Variants in MACROD2 observed in about 807,000 individuals in gnomAD.
MACROD2 encodes the protein mono-ADP ribosylhydrolase 2, also known as ADP-ribose glycohydrolase MACROD2.
MACROD2 carries 36 observed loss-of-function variants against 70.4 expected under a neutral mutation model. That is an observed-to-expected ratio of 0.51 (90% CI 0.39 to 0.68). The LOEUF is 0.68. MACROD2 is among the 30% of genes least tolerant of loss of function. The pLI is 0.00. For synonymous variants in MACROD2, 172 were observed against 178.8 expected, an observed-to-expected ratio of 0.96 and a Z score of 0.30; for missense variants, 496 against 538.4, an observed-to-expected ratio of 0.92 and a Z score of 0.78.
intron 7 of MACROD2, among the ~76,000 whole-genome samples, chr20:15,461,962 T>C (rs11906804): frequency 0.03 from 4,607 of 152,282 alleles, 227 homozygotes; most frequent in African/African-American, 0.1. Context: ...TTCTTTACTA[T>C]TAGGTCAACT....
chr20:14,807,479 T>C (rs1224124854), intron 5 of MACROD2, among the ~76,000 whole-genome samples: 1 of 152,072 alleles, frequency 6.6e-6, no homozygotes, highest in Non-Finnish European at 1.5e-5. Context: ...CCCACGAAGA[T>C]GAGGAAAAAC....
intron 6 of MACROD2, among the ~76,000 whole-genome samples, chr20:15,423,021 G>A (rs2146343572): frequency 6.6e-6 from 1 of 152,170 alleles, no homozygotes; most frequent in South Asian, 2.1e-4. Flanking sequence ...ATTTTCAAAG[G>A]AAACTTTGTA....
intron 7 of MACROD2, among the ~76,000 whole-genome samples, chr20:15,466,533 A>G (rs776922651): frequency 5.3e-5 from 8 of 152,196 alleles, no homozygotes; most frequent in Non-Finnish European, 1.0e-4. Flanking sequence ...AGCTCCTCAC[A>G]CTGTGATTTG....
At chr20:15,380,186 A>AC (rs1358053937) in intron 6 of MACROD2, among the ~76,000 whole-genome samples, 1 of 151,956 alleles carries the variant, frequency 6.6e-6, no homozygotes, top group Non-Finnish European at 1.5e-5. Context: ...TCATTTAAAA[A>AC]AACCCTCAGC....
intron 3 of MACROD2, among the ~76,000 whole-genome samples, chr20:14,286,545 A>C (rs1428820190): frequency 6.6e-6 from 1 of 152,102 alleles, no homozygotes; most frequent in African/African-American, 2.4e-5. Flanking sequence ...CATCTTTTGA[A>C]TTATTGACTA....
intron 5 of MACROD2, among the ~76,000 whole-genome samples, chr20:14,857,650 C>A (rs890062353): frequency 6.6e-6 from 1 of 151,918 alleles, no homozygotes; most frequent in Admixed American, 6.6e-5. Flanking sequence ...GTAATTAATG[C>A]GGAAAGTGGC....
chr20:15,964,547 T>A (rs2066110922), intron 12 of MACROD2, among the ~76,000 whole-genome samples: 1 of 152,096 alleles, frequency 6.6e-6, no homozygotes, highest in African/African-American at 2.4e-5. Context: ...ACTTTCAGCT[T>A]AGGAATTTTA....
intron 3 of MACROD2, among the ~76,000 whole-genome samples, chr20:14,371,713 C>A (rs2083324984): frequency 6.6e-6 from 1 of 151,944 alleles, no homozygotes; most frequent in South Asian, 2.1e-4. Flanking sequence ...TTAAAATCTA[C>A]CTGATATTTC....
At chr20:15,797,214 C>T (rs1458507462) in intron 8 of MACROD2, among the ~76,000 whole-genome samples, 4 of 151,972 alleles carry the variant, frequency 2.6e-5, no homozygotes, top group East Asian at 1.9e-4. Flanking sequence ...CCCAGGTTCA[C>T]GCCATTCTCC....
chr20:15,684,942 G>A (rs987311265), intron 8 of MACROD2, among the ~76,000 whole-genome samples: 2 of 151,864 alleles, frequency 1.3e-5, no homozygotes, highest in Non-Finnish European at 1.5e-5. Flanking sequence ...AAATCCTTTG[G>A]GACACTCATT....
intron 5 of MACROD2, among the ~76,000 whole-genome samples, chr20:14,712,003 C>G (rs1341126244): frequency 6.6e-6 from 1 of 152,016 alleles, no homozygotes; most frequent in South Asian, 2.1e-4. Context: ...TTTAATGAAA[C>G]TAGAAAAGAA....
intron 5 of MACROD2, among the ~76,000 whole-genome samples, chr20:14,765,924 CA>C (rs2072082138): frequency 1.3e-5 from 2 of 152,042 alleles, no homozygotes; most frequent in African/African-American, 2.4e-5. Context: ...GACTTGCTCA[CA>C]GAAGTTAAAT....
chr20:15,431,405 G>A lies in MACROD2; in HGVS notation c.541G>A (p.Ala181Thr). ...LVKENNIRSVAFPCISTGIYG... is the reference protein window; with the variant it reads ...LVKENNIRSVTFPCISTGIYG... ...TGTTATTTTTGTGGTTTATTCACAG[G>A]CATTTCCCTGCATCTCAACAGGCAT... The change falls in exon 7 of 18, where the codon GCA becomes ACA. Residue 181 changes from alanine to threonine, a missense_variant and splice_region_variant. By Grantham distance (58) the Ala-to-Thr change is moderately conservative. Transcript: ENST00000684519. The A allele has an allele frequency of 6.2e-7, 1 of 1,610,410 alleles. No individual in the cohort carries two copies. Among genetic ancestry groups the A allele is most frequent in the Non-Finnish European group, 8.5e-7 (1 of 1,177,296 alleles).
chr20:15,084,068 T>G (rs375276912), intron 5 of MACROD2, among the ~76,000 whole-genome samples: 3 of 57,800 alleles, frequency 5.2e-5, no homozygotes, highest in East Asian at 1.0e-3. Context: ...GGTTTTTTTT[T>G]TTTGTTTTTT....
chr20:14,097,849 T>C (rs1315542524), intron 3 of MACROD2, among the ~76,000 whole-genome samples: 1 of 152,164 alleles, frequency 6.6e-6, no homozygotes, highest in Non-Finnish European at 1.5e-5. Flanking sequence ...TTTTATACAA[T>C]ATTTTAGAAT....
At chr20:15,286,314 T>G (rs2077490924) in intron 6 of MACROD2, among the ~76,000 whole-genome samples, 2 of 152,338 alleles carry the variant, frequency 1.3e-5, no homozygotes, top group South Asian at 4.1e-4. Flanking sequence ...AATTAGTTTA[T>G]AAATATGGTT....
At chr20:15,813,798 A>G (rs772933698) in intron 8 of MACROD2, among the ~76,000 whole-genome samples, 1 of 152,056 alleles carries the variant, frequency 6.6e-6, no homozygotes, top group Non-Finnish European at 1.5e-5. Context: ...ACAACAACAC[A>G]ATATCTTGAA....
chr20:14,224,161 C>T (rs2081710345), intron 3 of MACROD2, among the ~76,000 whole-genome samples: 1 of 152,116 alleles, frequency 6.6e-6, no homozygotes, highest in South Asian at 2.1e-4. Flanking sequence ...ACTATTTGAT[C>T]AAATATCTGA....
chr20:15,566,193 A>G (rs375759456), intron 8 of MACROD2, among the ~76,000 whole-genome samples: 46 of 152,226 alleles, frequency 3.0e-4, no homozygotes, highest in East Asian at 7.7e-4. Flanking sequence ...TAGAAATACA[A>G]TCCCCAGAGG....
Sources: allele counts gnomAD v4.1 joint callset (sites outside exome capture counted in the v4.1 genomes callset), GRCh38; gene constraint gnomAD v4.1.1; transcripts MANE v1.5; gene names NCBI Gene and HGNC (gene_info 2026-07-23, HGNC 2026-07-21).